CCDC87: variants seen among roughly 807,000 people sequenced by gnomAD.
The protein encoded by CCDC87 is coiled-coil domain containing 87.
For synonymous variants in CCDC87, 434 were observed against 440.2 expected, an observed-to-expected ratio of 0.99 and a Z score of 0.18; for missense variants, 1,072 against 1,041.7, an observed-to-expected ratio of 1.03 and a Z score of -0.40.
Position 66,591,462 on chromosome 11 carries a change from T to C in CCDC87, c.1554A>G (p.Ala518=). ...GGAAGGTCGACCAGTCTTTATCTGC[T>C]GCAGGCTCAACTAGGGGCCCTTGAT... ...HFDQGPLVEP[A]ADKDWSTFLS... is the part of the protein sequence containing the mutation. The change falls in exon 1 of 1, where the codon GCA becomes GCG. Residue 518 remains alanine, a synonymous_variant. Coordinates refer to ENST00000333861, the MANE Select transcript of CCDC87 (RefSeq NM_018219.3). 3.1e-6 allele frequency: 5 copies of C among 1,614,210 alleles called. No individual in the cohort carries two copies. Among genetic ancestry groups the C allele is most frequent in the Non-Finnish European group, 3.4e-6 (4 of 1,180,044 alleles).
Sources: allele counts gnomAD v4.1 joint callset, GRCh38; gene constraint gnomAD v4.1.1; transcripts MANE v1.5; gene names NCBI Gene and HGNC (gene_info 2026-07-23, HGNC 2026-07-21).